Variants in PPP1R10 observed in about 807,000 individuals in gnomAD.
PPP1R10 encodes protein phosphatase 1 regulatory subunit 10.
Under a neutral mutation model 99.0 loss-of-function variants are expected in PPP1R10, and 15 were observed. The observed-to-expected ratio is 0.15, with a 90% CI of 0.10 to 0.23. The LOEUF is 0.23. PPP1R10 is among the 10% of genes least tolerant of loss of function. PPP1R10 has a pLI of 1.00. For synonymous variants in PPP1R10, 430 were observed against 449.5 expected (o/e 0.96, Z 0.55); for missense variants, 947 against 1,259.4 (o/e 0.75, Z 3.75).
intron 2 of PPP1R10, 96 bp downstream of exon 2, chr6:30,616,382 C>T (rs1174980528): frequency 6.6e-6 from 1 of 152,604 alleles, no homozygotes; most frequent in Non-Finnish European, 1.5e-5. Flanking sequence ...TCTATTTGTT[C>T]TATGGTCTCA....
chr6:30,606,387 C>A lies in PPP1R10; in HGVS notation c.634+81G>T. On this transcript the variant is annotated intron_variant, in intron 8 of 19. Transcript: ENST00000376511. The surrounding 1 kb of genome is among the most constrained non-coding windows in gnomAD (Gnocchi z 6.3). ...TTCCCTCTTCCTTACGATTAACATA[C>A]CACACATCAAATGATTCCCCCATAA... The A allele has an allele frequency of 3.8e-6, 6 of 1,582,358 alleles. No homozygotes were observed. The highest frequency in any genetic ancestry group is 5.2e-6 in the Non-Finnish European group (6 of 1,159,062).
rs199913707 is a variant in PPP1R10 at position 30,604,043 on chromosome 6, C to T, written c.1473G>A (p.Lys491=). ...TCAGGAAGAGCTCCTGAAGGATTCC[C>T]TTCTCCCGCTCAGCCTGGATATATC... is the stretch of plus-strand genomic sequence containing the variant. ...QERYIQAERE[K]GILQELFLNK... The change falls in exon 14 of 20, where the codon AAG becomes AAA. Residue 491 remains lysine (K), a synonymous_variant. Coordinates refer to ENST00000376511, the MANE Select transcript of PPP1R10 (RefSeq NM_002714.4). This position sits in a 1 kb window ranked among gnomAD's most constrained non-coding sequence, Gnocchi z 7.3. The T allele has an allele frequency of 1.9e-6, 3 of 1,610,436 alleles. No homozygotes were observed. In the African/African-American group the frequency reaches 4.0e-5, roughly 22 times the overall value.
At position 30,606,687 on chromosome 6, in the gene PPP1R10, ACT is replaced by A; in HGVS notation, c.461-48_461-47del. 1.2e-6 allele frequency: 2 copies of A among 1,613,144 alleles called. No individual in the cohort carries two copies. Among genetic ancestry groups the A allele is most frequent in the African/African-American group, 1.3e-5 (1 of 74,980 alleles). On this transcript the variant is annotated intron_variant, in intron 7 of 19. Transcript: ENST00000376511. The surrounding 1 kb of genome is among the most constrained non-coding windows in gnomAD (Gnocchi z 6.3). ...AGAAAAGGATTTTATTTAGATGAAC[ACT>A]GTCAGAGGTGAAGCAGACTGGGAGC...
rs769106547 is a variant in PPP1R10 at position 30,604,646 on chromosome 6, G to A, written c.1044C>T (p.Asp348=). Residue 348 remains aspartate, a synonymous_variant, in exon 12 of 20, where the codon GAC becomes GAT. Coordinates refer to ENST00000376511, the MANE Select transcript of PPP1R10 (RefSeq NM_002714.4). The surrounding 1 kb of genome is among the most constrained non-coding windows in gnomAD (Gnocchi z 7.3). ...PEPAPPSEAM[D]ADRPGTPVPP... ...GAACCGGGGTGCCTGGACGGTCTGC[G>A]TCCATTGCCTCAGAAGGTGGTGCTG... 1.5e-5 allele frequency: 25 copies of A among 1,613,016 alleles called. No individual in the cohort carries two copies. The highest frequency in any genetic ancestry group is 5.0e-5 in the Admixed American group (3 of 60,006).
intron 19 of PPP1R10, 137 bp downstream of exon 19, chr6:30,601,799 T>C (rs999239340): frequency 4.6e-5 from 59 of 1,280,118 alleles, no homozygotes; most frequent in Non-Finnish European, 6.0e-5. Context: ...GAGTAGGAAC[T>C]GCTATGCATA....
rs752143401 is a variant in PPP1R10 at position 30,617,018 on chromosome 6, A to C, written c.-532-20T>G. On this transcript the variant is annotated intron_variant, in intron 1 of 19. Coordinates refer to ENST00000376511, the MANE Select transcript of PPP1R10 (RefSeq NM_002714.4). ...TCAAACCTGGGATAAAAGGAACACA[A>C]GGGAGAAAGATGTAATCAGTACGGG... The C allele has an allele frequency of 6.6e-6, 1 of 152,210 alleles. No individual in the cohort carries two copies. The highest frequency in any genetic ancestry group is 1.5e-5 in the Non-Finnish European group (1 of 68,048). The allele number at this position is 152,210 out of a possible 1,614,324, so 9.4% of individuals were successfully genotyped here. A position where few individuals can be genotyped will look rare whatever the true frequency, so the allele number is the denominator to read the frequency against.
intron 6 of PPP1R10, among the ~76,000 whole-genome samples, chr6:30,607,388 G>GA (rs1259462465): frequency 1.3e-5 from 2 of 152,118 alleles, no homozygotes; most frequent in African/African-American, 4.8e-5. Flanking sequence ...CTAAATATAT[G>GA]AAAAAATACT....
chr6:30,607,825 G>C lies in PPP1R10; in HGVS notation c.382+15C>G. On this transcript the variant is annotated intron_variant, in intron 6 of 19. Transcript: ENST00000376511. ...ATAGAGAAAAGCCCATGAGAGAGCAGAAGTGGCACCCTACCTTCATCCTCA... is the reference window on the plus strand; with the variant it reads ...ATAGAGAAAAGCCCATGAGAGAGCACAAGTGGCACCCTACCTTCATCCTCA... 1 of 1,610,944 alleles carries C rather than the reference G, an allele frequency of 6.2e-7. No individual in the cohort carries two copies. Among genetic ancestry groups the C allele is most frequent in the South Asian group, 1.1e-5 (1 of 91,028 alleles).
Position 30,602,374 on chromosome 6 carries a change from C to A in PPP1R10, c.2275G>T (p.Gly759Trp). The A allele has an allele frequency of 6.2e-7, 1 of 1,612,840 alleles. No homozygotes were observed. Among genetic ancestry groups the A allele is most frequent in the South Asian group, 1.1e-5 (1 of 91,068 alleles). Residue 759 changes from glycine to tryptophan, a missense_variant, in exon 19 of 20, where the codon GGG becomes TGG. Physicochemically the swap from Gly to Trp is radical, Grantham distance 184 (BLOSUM62 -2). Around this residue, in one of 10 missense-constraint regions of PPP1R10, gnomAD observed 525 missense variants for 578.8 expected, o/e 0.91. Transcript: ENST00000376511. The surrounding 1 kb of genome is among the most constrained non-coding windows in gnomAD (Gnocchi z 6.7). ...TGTCCACTGCTGTTGCCCATGCCCC[C>A]ACCAGGGCCTTCGTGAGGACGATGC... ...GGHRPHEGPGGGMGNSSGHRP... is the reference protein window; with the variant it reads ...GGHRPHEGPGWGMGNSSGHRP...
Position 30,604,267 on chromosome 6 carries a change from G to T in PPP1R10, c.1262-13C>A. On this transcript the variant is annotated splice_polypyrimidine_tract_variant and intron_variant, in intron 13 of 19. Coordinates refer to ENST00000376511, the MANE Select transcript of PPP1R10 (RefSeq NM_002714.4). This position sits in a 1 kb window ranked among gnomAD's most constrained non-coding sequence, Gnocchi z 7.3. ...TTATTCACATTTACTGTCGGCAGGG[G>T]AAGAAAAGCAAGAGGGAAAGTAAGC... is the stretch of plus-strand genomic sequence containing the variant. 1.9e-6 allele frequency: 3 copies of T among 1,613,888 alleles called. No homozygotes were observed. The highest frequency in any genetic ancestry group is 1.7e-6 in the Non-Finnish European group (2 of 1,179,802).
rs1804331545 is a variant in PPP1R10 at position 30,609,528 on chromosome 6, A to G, written c.107+310T>C. On this transcript the variant is annotated intron_variant, in intron 3 of 19. Transcript: ENST00000376511. This position sits in a 1 kb window ranked among gnomAD's most constrained non-coding sequence, Gnocchi z 4.5. ...AAAACCTGAGAATCCCTGAAGGAAA[A>G]TAACATTATGGGTAGGTGGAACACG... Among the ~76,000 whole-genome samples, 1 of 152,180 alleles carries G rather than the reference A, an allele frequency of 6.6e-6. No homozygotes were observed. Among genetic ancestry groups the G allele is most frequent in the African/African-American group, 2.4e-5 (1 of 41,450 alleles).
At chr6:30,615,229 T>TAAAAAA (rs5875265) in intron 2 of PPP1R10, among the ~76,000 whole-genome samples, 43 of 109,748 alleles carry the variant, frequency 3.9e-4, no homozygotes, top group East Asian at 1.2e-3. Context: ...ACCTTTTTAG[T>TAAAAAA]AAAAAAAAAA....
chr6:30,605,321 T>C (rs769014643), intron 10 of PPP1R10, among the ~76,000 whole-genome samples: 9 of 152,176 alleles, frequency 5.9e-5, no homozygotes, highest in Non-Finnish European at 8.8e-5. Context: ...ATGTGAATTA[T>C]AGCTCAGGTA....
chr6:30,613,413 C>T (rs866580955), intron 2 of PPP1R10, among the ~76,000 whole-genome samples: 1 of 152,258 alleles, frequency 6.6e-6, no homozygotes. Flanking sequence ...GTACCTAACC[C>T]CTTATGTTCC....
At chr6:30,612,929 T>C (rs1482485694) in intron 2 of PPP1R10, among the ~76,000 whole-genome samples, 1 of 152,212 alleles carries the variant, frequency 6.6e-6, no homozygotes, top group Non-Finnish European at 1.5e-5. Flanking sequence ...GAAAGCTTTC[T>C]GGAACCACAA....
At chr6:30,612,745 A>G (rs557612494) in intron 2 of PPP1R10, among the ~76,000 whole-genome samples, 14 of 152,242 alleles carry the variant, frequency 9.2e-5, no homozygotes, top group African/African-American at 1.7e-4. Context: ...TATATTTTGG[A>G]AAAAAACCAA....
Position 30,605,019 on chromosome 6 carries a change from T to C in PPP1R10, c.929A>G (p.Lys310Arg), listed in dbSNP as rs1803783499. ...CTTGGCAGCCGTAGGTGACAGTACT[T>C]TTTTTTTCTTCTTAATTTTGATGCC... Reference protein sequence around the residue: ...VPGIKIKKKKKVLSPTAAKPS... With the variant: ...VPGIKIKKKKRVLSPTAAKPS... The change falls in exon 11 of 20, where the codon AAA (lysine) becomes AGA (arginine). Residue 310 changes from lysine to arginine, a missense_variant. This residue lies in a region of PPP1R10 where 26 missense variants were observed against 56.6 expected (regional missense o/e 0.46). Coordinates refer to ENST00000376511, the MANE Select transcript of PPP1R10 (RefSeq NM_002714.4). The C allele has an allele frequency of 6.2e-7, 1 of 1,612,852 alleles. No individual in the cohort carries two copies. Among genetic ancestry groups the C allele is most frequent in the Non-Finnish European group, 8.5e-7 (1 of 1,179,976 alleles).
Position 30,603,467 on chromosome 6 carries a change from C to T in PPP1R10, c.1767+5G>A, listed in dbSNP as rs771432475. 8 of 1,606,294 alleles carry T rather than the reference C, an allele frequency of 5.0e-6. No homozygotes were observed. The highest frequency in any genetic ancestry group is 3.3e-5 in the South Asian group (3 of 90,236). On this transcript the variant is annotated splice_donor_5th_base_variant and intron_variant, in intron 16 of 19. Transcript: ENST00000376511. ...AAGGTGGAAAAGGGGAAGGAGGGTG[C>T]GTACCATGATGGAGGTGAGGATCTC... is the stretch of plus-strand genomic sequence containing the variant.
intron 2 of PPP1R10, among the ~76,000 whole-genome samples, chr6:30,610,975 G>A (rs1804494827): frequency 1.3e-5 from 2 of 152,010 alleles, no homozygotes; most frequent in African/African-American, 4.8e-5. Flanking sequence ...GTTCTGATTG[G>A]GATTTTTATC....
Sources: allele counts gnomAD v4.1 joint callset (sites outside exome capture counted in the v4.1 genomes callset), GRCh38; gene constraint gnomAD v4.1.1; regional missense constraint gnomAD v4.1.1; non-coding constraint Gnocchi (gnomAD v3.1); transcripts MANE v1.5; gene names NCBI Gene and HGNC (gene_info 2026-07-23, HGNC 2026-07-21).